NTM: variants seen among roughly 807,000 people sequenced by gnomAD.
NTM encodes the protein IgLON family member 2.
Under a neutral mutation model 42.1 loss-of-function variants are expected in NTM, and 13 were observed. The ratio of observed to expected loss-of-function variants is 0.31; its 90% CI spans 0.20 to 0.49. The LOEUF (loss-of-function observed/expected upper bound fraction) is 0.49. Ranked by LOEUF, NTM falls within the 20% of genes least tolerant of loss-of-function variation. NTM has a pLI of 0.99. For synonymous variants in NTM, 187 were observed against 179.2 expected, an observed-to-expected ratio of 1.04 and a Z score of -0.35; for missense variants, 373 against 452.8, an observed-to-expected ratio of 0.82 and a Z score of 1.60.
At chr11:131,659,369 G>A (rs2067650096) in intron 1 of NTM, among the ~76,000 whole-genome samples, 1 of 152,222 alleles carries the variant, frequency 6.6e-6, no homozygotes, top group Admixed American at 6.5e-5. Flanking sequence ...TCTCACAGGT[G>A]AGAGAGCTGC....
At chr11:131,427,629 G>A (rs1425902466) in intron 1 of NTM, among the ~76,000 whole-genome samples, 2 of 152,138 alleles carry the variant, frequency 1.3e-5, no homozygotes, top group Admixed American at 6.5e-5. Flanking sequence ...ACTTCACCTG[G>A]TGTCTCAGCT....
At chr11:131,999,290 G>A (rs1593553593) in intron 2 of NTM, among the ~76,000 whole-genome samples, 1 of 151,960 alleles carries the variant, frequency 6.6e-6, no homozygotes, top group Middle Eastern at 3.2e-3. Context: ...GTACCATTCT[G>A]AAAAAAATGA....
chr11:132,108,147 C>A (rs554750289), intron 2 of NTM, among the ~76,000 whole-genome samples: 6 of 152,304 alleles, frequency 3.9e-5, no homozygotes, highest in Admixed American at 3.9e-4. Flanking sequence ...CTCGTAATAT[C>A]CATTGTTTCT....
At chr11:131,935,134 G>C (rs2059072471) in intron 2 of NTM, among the ~76,000 whole-genome samples, 1 of 152,210 alleles carries the variant, frequency 6.6e-6, no homozygotes, top group African/African-American at 2.4e-5. Flanking sequence ...GGGTTGATAA[G>C]TTAATATGGA....
At chr11:131,847,750 TAAC>T (rs2045085402) in intron 1 of NTM, among the ~76,000 whole-genome samples, 1 of 151,888 alleles carries the variant, frequency 6.6e-6, no homozygotes, top group South Asian at 2.1e-4. Context: ...ATAAAAACAA[TAAC>T]AAATTGCAGA....
At chr11:131,447,707 A>C (rs1591692360) in intron 1 of NTM, among the ~76,000 whole-genome samples, 1 of 152,228 alleles carries the variant, frequency 6.6e-6, no homozygotes, top group Non-Finnish European at 1.5e-5. Context: ...TCTTGCTGCC[A>C]CAAAGACGAG....
intron 1 of NTM, among the ~76,000 whole-genome samples, chr11:131,832,750 G>T (rs2136558672): frequency 6.6e-6 from 1 of 152,312 alleles, no homozygotes; most frequent in Non-Finnish European, 1.5e-5. Context: ...AGTCACATTG[G>T]AGATAAACTG....
chr11:131,761,539 C>T (rs1390364055), intron 1 of NTM, among the ~76,000 whole-genome samples: 1 of 152,048 alleles, frequency 6.6e-6, no homozygotes, highest in African/African-American at 2.4e-5. Flanking sequence ...CACGGTGGCT[C>T]ACGCCTGTTA....
intron 1 of NTM, among the ~76,000 whole-genome samples, chr11:131,597,780 A>T (rs2059943355): frequency 6.6e-6 from 1 of 152,218 alleles, no homozygotes; most frequent in South Asian, 2.1e-4. Flanking sequence ...GGGAGTGCAC[A>T]TCTCCCAGCA....
intron 1 of NTM, among the ~76,000 whole-genome samples, chr11:131,571,476 T>C (rs2057431241): frequency 2.6e-5 from 4 of 152,162 alleles, no homozygotes; most frequent in Non-Finnish European, 2.9e-5. Context: ...TGGCGCCAGC[T>C]CCCAGGCAAG....
intron 1 of NTM, among the ~76,000 whole-genome samples, chr11:131,891,320 G>A (rs1023349507): frequency 3.3e-5 from 5 of 152,144 alleles, no homozygotes; most frequent in Admixed American, 6.5e-5. Context: ...GCAGTCAGTC[G>A]AAGCGTGTCT....
chr11:131,883,067 A>G (rs915874135), intron 1 of NTM, among the ~76,000 whole-genome samples: 1 of 152,194 alleles, frequency 6.6e-6, no homozygotes, highest in African/African-American at 2.4e-5. Context: ...AGCACCTGCC[A>G]AAAGGACTTC....
chr11:131,635,446 A>C (rs1460228102), intron 1 of NTM, among the ~76,000 whole-genome samples: 6 of 152,240 alleles, frequency 3.9e-5, no homozygotes, highest in Non-Finnish European at 8.8e-5. Context: ...TAAAACACAA[A>C]GAAAATTTAA....
intron 1 of NTM, among the ~76,000 whole-genome samples, chr11:131,648,092 A>G (rs549032775): frequency 1.3e-5 from 2 of 152,238 alleles, no homozygotes; most frequent in South Asian, 2.1e-4. Context: ...CCCACTTATA[A>G]GTGAGAGCAT....
intron 1 of NTM, among the ~76,000 whole-genome samples, chr11:131,592,690 T>TAGTTCAAA (rs2059484658): frequency 7.4e-6 from 1 of 136,024 alleles, no homozygotes; most frequent in Non-Finnish European, 1.6e-5. Context: ...ACACACACCA[T>TAGTTCAAA]AGTTCAAAGT....
chr11:131,964,124 A>T (rs922279517), intron 2 of NTM, among the ~76,000 whole-genome samples: 4 of 152,172 alleles, frequency 2.6e-5, no homozygotes, highest in Admixed American at 1.3e-4. Context: ...AGAAGAAGAG[A>T]TATCTAAGAA....
intron 1 of NTM, among the ~76,000 whole-genome samples, chr11:131,691,150 G>A (rs1281621809): frequency 6.6e-6 from 1 of 152,158 alleles, no homozygotes; most frequent in East Asian, 1.9e-4. Context: ...GCCCCCGGAG[G>A]GCGCACCAGG....
intron 1 of NTM, among the ~76,000 whole-genome samples, chr11:131,594,405 A>AT (rs1429646725): frequency 2.6e-5 from 4 of 151,800 alleles, no homozygotes; most frequent in Middle Eastern, 3.4e-3. Context: ...AAGTTTACCA[A>AT]TTTTTTTTAA....
At chr11:132,302,862 G>A (rs2094917639) in intron 4 of NTM, among the ~76,000 whole-genome samples, 1 of 152,142 alleles carries the variant, frequency 6.6e-6, no homozygotes, top group Non-Finnish European at 1.5e-5. Flanking sequence ...AAAAATACGA[G>A]GCTTGAGCGA....
Sources: allele counts gnomAD v4.1 joint callset (sites outside exome capture counted in the v4.1 genomes callset), GRCh38; gene constraint gnomAD v4.1.1; transcripts MANE v1.5; gene names NCBI Gene and HGNC (gene_info 2026-07-23, HGNC 2026-07-21).